DOT1L: variants seen among roughly 807,000 people sequenced by gnomAD.
DOT1L encodes the protein histone-lysine N-methyltransferase, H3 lysine-79 specific.
In DOT1L, 33 loss-of-function variants were observed where a neutral mutation model predicts 153.3. The observed-to-expected ratio is 0.22, with a 90% confidence interval of 0.16 to 0.29. The LOEUF is 0.29. DOT1L is among the 10% of genes least tolerant of loss of function. The pLI is 1.00. For synonymous variants in DOT1L, 1,135 were observed against 965.1 expected, an observed-to-expected ratio of 1.18 and a Z score of -3.26; for missense variants, 1,847 against 2,119.9, an observed-to-expected ratio of 0.87 and a Z score of 2.53.
rs2023589737 is a variant in DOT1L, at chr19:2,208,505, C to T, written c.964-430C>T. 1.3e-5 allele frequency among the ~76,000 whole-genome samples: 2 copies of T among 152,166 alleles called. No homozygotes were observed. The highest frequency in any genetic ancestry group is 2.4e-5 in the African/African-American group (1 of 41,430). On this transcript the variant is annotated intron_variant, in intron 11 of 27. Coordinates refer to ENST00000398665, the MANE Select transcript of DOT1L (RefSeq NM_032482.3). The surrounding 1 kb of genome is among the most constrained non-coding windows in gnomAD (Gnocchi z 4.4). ...GAGGCATGGTGAGCTGAGGCTGAGG[C>T]TCTGGGGGCTTGGCCTACCGTGCGG...
Position 2,225,408 on chromosome 19 carries a change from C to A in DOT1L, c.3617C>A (p.Thr1206Lys), listed in dbSNP as rs1201426432. The part of the protein sequence containing the change: ...SSARIERKIA[T>K]ISLESKSPPK... ...AACAGAATTGAGAGAAAAATTGCAA[C>A]AATCTCCTTAGAAAGCAAATCTCCC... The change falls in exon 26 of 28, where the codon ACA becomes AAA. Residue 1206 changes from threonine (T) to lysine (K), a missense_variant. This residue lies in a region of DOT1L where 934 missense variants were observed against 825.3 expected (regional missense o/e 1.13). Transcript: ENST00000398665. 1.2e-6 allele frequency: 2 copies of A among 1,614,016 alleles called. No homozygotes were observed. Among genetic ancestry groups the A allele is most frequent in the Non-Finnish European group, 1.7e-6 (2 of 1,180,014 alleles).
Position 2,226,963 on chromosome 19 carries a change from T to C in DOT1L, c.4442T>C (p.Leu1481Pro). 6.3e-7 allele frequency: 1 copy of C among 1,590,962 alleles called. No homozygotes were observed. The highest frequency in any genetic ancestry group is 8.5e-7 in the Non-Finnish European group (1 of 1,176,340). Residue 1481 changes from leucine to proline, a missense_variant, in exon 27 of 28, where the codon CTG (leucine) becomes CCG (proline). By Grantham distance (98) the Leu-to-Pro change is moderately conservative. Transcript: ENST00000398665. ...CAGTTCGCGCTCGGCCCCATGTCCC[T>C]GCAGGCCAACCTCGGCTCCGTGGCC... ...GPQFALGPMS[L>P]QANLGSVAGS...
chr19:2,194,616 C>A lies in DOT1L; in HGVS notation c.651+39C>A, dbSNP rs370930837. The A allele has an allele frequency of 3.8e-6, 6 of 1,598,874 alleles. No individual in the cohort carries two copies. In the South Asian group the frequency reaches 5.5e-5, roughly 15 times the overall value. On this transcript the variant is annotated intron_variant, in intron 7 of 27. Coordinates refer to ENST00000398665, the MANE Select transcript of DOT1L (RefSeq NM_032482.3). ...CTCCGCCCCGGCTCCCATCGCCGGCCCCACCCCCGCTCCCACCCTCCTGTC... is the reference window on the plus strand; with the variant it reads ...CTCCGCCCCGGCTCCCATCGCCGGCACCACCCCCGCTCCCACCCTCCTGTC...
rs1334432387 is a variant in DOT1L at position 2,204,188 on chromosome 19, C to T, written c.787+1409C>T. ...GTGTCTGTTAGCGTGTCTCTGTGTG[C>T]GTGCCTGTGCGTGCCTGTGTCTGCA... On this transcript the variant is annotated intron_variant, in intron 9 of 27. Transcript: ENST00000398665. This position sits in a 1 kb window ranked among gnomAD's most constrained non-coding sequence, Gnocchi z 5.7. Among the ~76,000 whole-genome samples, 2 of 150,568 alleles carry T rather than the reference C, an allele frequency of 1.3e-5. No individual in the cohort carries two copies. Among genetic ancestry groups the T allele is most frequent in the Non-Finnish European group, 3.0e-5 (2 of 67,612 alleles).
In DOT1L at chr19:2,222,127, G is replaced by C; in HGVS notation, c.2958G>C (p.Gln986His). The change falls in exon 24 of 28, where the codon CAG (glutamine) becomes CAC (histidine). Residue 986 changes from glutamine (Q) to histidine (H), a missense_variant. Physicochemically the swap from Gln to His is conservative, Grantham distance 24. Coordinates refer to ENST00000398665, the MANE Select transcript of DOT1L (RefSeq NM_032482.3). This position sits in a 1 kb window ranked among gnomAD's most constrained non-coding sequence, Gnocchi z 6.5. ...ATVGSRSSTP[Q>H]HPLLLAQPRN... ...TGGGGTCCCGCAGCTCCACGCCACAGCACCCCCTGCTGCTGGCACAGCCCC... is the reference window on the plus strand; with the variant it reads ...TGGGGTCCCGCAGCTCCACGCCACACCACCCCCTGCTGCTGGCACAGCCCC... 1 of 1,613,154 alleles carries C rather than the reference G, an allele frequency of 6.2e-7. No individual in the cohort carries two copies. Among genetic ancestry groups the C allele is most frequent in the Non-Finnish European group, 8.5e-7 (1 of 1,179,882 alleles).
intron 1 of DOT1L, among the ~76,000 whole-genome samples, chr19:2,178,150 T>C (rs1362241937): frequency 6.6e-6 from 1 of 151,176 alleles, no homozygotes; most frequent in Non-Finnish European, 1.5e-5. Flanking sequence ...CAGGCTGGTC[T>C]TGAACTCCTG....
intron 25 of DOT1L, among the ~76,000 whole-genome samples, chr19:2,224,431 G>C (rs1468982863): frequency 6.6e-6 from 1 of 150,826 alleles, no homozygotes; most frequent in African/African-American, 2.4e-5. Context: ...CCGAGTCGTC[G>C]TGAAGTGATA....
intron 1 of DOT1L, among the ~76,000 whole-genome samples, chr19:2,167,493 G>T (rs1482838258): frequency 2.6e-5 from 4 of 152,218 alleles, no homozygotes; most frequent in Non-Finnish European, 5.9e-5. Context: ...GGGCGGGACT[G>T]TGCCGTGTCT....
Position 2,193,271 on chromosome 19 carries a change from G to A in DOT1L, c.494-418G>A, listed in dbSNP as rs954080087. ...GATCCTGCTCATGAGCCTTCCTGGG[G>A]TGCCATAAGATTTTATCAGCCAGGT... On this transcript the variant is annotated intron_variant, in intron 5 of 27. Transcript: ENST00000398665. The surrounding 1 kb of genome is among the most constrained non-coding windows in gnomAD (Gnocchi z 5.9). Among the ~76,000 whole-genome samples the A allele has an allele frequency of 6.6e-6, 1 of 152,192 alleles. No homozygotes were observed. The highest frequency in any genetic ancestry group is 1.5e-5 in the Non-Finnish European group (1 of 68,044).
Position 2,222,631 on chromosome 19 carries a change from T to C in DOT1L, c.3390+72T>C. On this transcript the variant is annotated intron_variant, in intron 24 of 27. Transcript: ENST00000398665. This position sits in a 1 kb window ranked among gnomAD's most constrained non-coding sequence, Gnocchi z 6.5. Reference sequence around the variant, plus strand: ...AAGACCAGAGGGAGACCGGGCGCGGTGGCTCACGCCTGTAATCCCAGCATT... The same window carrying C: ...AAGACCAGAGGGAGACCGGGCGCGGCGGCTCACGCCTGTAATCCCAGCATT... 4 of 1,402,840 alleles carry C rather than the reference T, an allele frequency of 2.9e-6. No homozygotes were observed. Among genetic ancestry groups the C allele is most frequent in the Non-Finnish European group, 3.8e-6 (4 of 1,061,080 alleles). The allele number at this position is 1,402,840 out of a possible 1,614,324, so 86.9% of individuals were successfully genotyped here.
In DOT1L at chr19:2,229,774, C is replaced by G. The variant is rs1568378283; in HGVS notation, c.4607-11C>G. On this transcript the variant is annotated splice_polypyrimidine_tract_variant and intron_variant, in intron 27 of 27. Transcript: ENST00000398665. Reference sequence around the variant, plus strand: ...ACCTCAGGCCGCTCTTCCCGCTGTGCCCTTCTGCAGGTAACTAGGATTTCT... The same window carrying G: ...ACCTCAGGCCGCTCTTCCCGCTGTGGCCTTCTGCAGGTAACTAGGATTTCT... The G allele has an allele frequency of 1.9e-6, 3 of 1,613,264 alleles. No individual in the cohort carries two copies. The highest frequency in any genetic ancestry group is 2.5e-6 in the Non-Finnish European group (3 of 1,179,944).
rs2024544696 is a variant in DOT1L at position 2,230,320 on chromosome 19, G to A, written c.*528G>A. On this transcript the variant is annotated 3_prime_UTR_variant, in exon 28 of 28. Coordinates refer to ENST00000398665, the MANE Select transcript of DOT1L (RefSeq NM_032482.3). ...CCCGTCGCCACCACATTCCTCGGAGGCCTCCCCGCGGCCTGAGCCCCTTCC... is the reference window on the plus strand; with the variant it reads ...CCCGTCGCCACCACATTCCTCGGAGACCTCCCCGCGGCCTGAGCCCCTTCC... 1 of 415,750 alleles carries A rather than the reference G, an allele frequency of 2.4e-6. No individual in the cohort carries two copies. The highest frequency in any genetic ancestry group is 4.2e-6 in the Non-Finnish European group (1 of 236,966). The allele number at this position is 415,750 out of a possible 1,614,324, so 25.8% of individuals were successfully genotyped here. A position where few individuals can be genotyped will look rare whatever the true frequency, so the allele number is the denominator to read the frequency against.
At chr19:2,164,445 C>T (rs2019830403) in intron 1 of DOT1L, 180 bp downstream of exon 1, 1 of 396,834 alleles carries the variant, frequency 2.5e-6, no homozygotes, top group East Asian at 4.1e-5. Flanking sequence ...GGCTGTTTCC[C>T]GCAGGGTGGG....
At chr19:2,164,593 C>T (rs1413654546) in intron 1 of DOT1L, 2 of 213,834 alleles carry the variant, frequency 9.4e-6, no homozygotes, top group Non-Finnish European at 1.9e-5. Context: ...GAAGCCCGCC[C>T]GCCCGCCCCG....
chr19:2,228,260 C>G, intron 27 of DOT1L: 2 of 1,361,564 alleles, frequency 1.5e-6, no homozygotes, highest in South Asian at 1.1e-5. Context: ...TCCCACAGGC[C>G]AGCGCCACGG....
chr19:2,216,807 G>A (rs776113167), intron 20 of DOT1L, 42 bp downstream of exon 20: 1 of 1,561,444 alleles, frequency 6.4e-7, no homozygotes, highest in Middle Eastern at 1.9e-4. Flanking sequence ...GCTGGTACCT[G>A]CCGACTCTGC....
intron 25 of DOT1L, among the ~76,000 whole-genome samples, chr19:2,224,240 T>C (rs2024237240): frequency 6.6e-6 from 1 of 152,192 alleles, no homozygotes; most frequent in South Asian, 2.1e-4. Flanking sequence ...GGTGTGCGTG[T>C]TTGTGTTTGG....
chr19:2,195,446 C>T (rs754550004), intron 7 of DOT1L, among the ~76,000 whole-genome samples: 28 of 152,126 alleles, frequency 1.8e-4, no homozygotes, highest in South Asian at 4.1e-4. Flanking sequence ...CTCCCAGCGA[C>T]GTCCCAGACC....
At chr19:2,219,977 C>T (rs1026749433) in intron 22 of DOT1L, 131 bp from the exon 23 acceptor site, 28 of 744,856 alleles carry the variant, frequency 3.8e-5, no homozygotes, top group East Asian at 2.2e-4. Flanking sequence ...CCTCTTCCCA[C>T]GCGGTACTGG....
Sources: gnomAD v4.1 joint callset for allele counts (sites outside exome capture counted in the v4.1 genomes callset) on GRCh38, gnomAD v4.1.1 for gene constraint, gnomAD v4.1.1 regional missense constraint, Gnocchi (gnomAD v3.1) non-coding constraint, MANE v1.5 for transcripts, NCBI Gene and HGNC (gene_info 2026-07-23, HGNC 2026-07-21) for gene names.